The following C7 variants were observed in gnomAD, a reference collection of about 807,000 sequenced individuals.
C7 encodes complement C7.
A neutral mutation model predicts 104.8 loss-of-function variants in C7; 83 were observed. The observed-to-expected ratio is 0.79, with a 90% CI of 0.66 to 0.95. C7 has a LOEUF of 0.95. Among genes scored for constraint, C7 ranks in the 40% least tolerant of loss-of-function variants. The probability of loss-of-function intolerance (pLI) is 0.00; values close to 1 mark genes in which losing one functional copy is unlikely to be tolerated. For missense variants in C7, 1,070 were observed against 1,011.2 expected (o/e 1.06, Z -0.79); for synonymous variants, 415 against 360.6 (o/e 1.15, Z -1.71).
intron 5 of C7, 99 bp downstream of exon 5, chr5:40,936,584 AG>A: frequency 9.0e-7 from 1 of 1,110,430 alleles, no homozygotes; most frequent in South Asian, 1.5e-5. Flanking sequence ...GTCTTCTAAT[AG>A]GCAAGATTAT....
chr5:40,946,164 CTT>C (rs1002794614), intron 7 of C7, among the ~76,000 whole-genome samples: 5 of 151,900 alleles, frequency 3.3e-5, no homozygotes, highest in African/African-American at 1.2e-4. Context: ...TTTAAAAACA[CTT>C]TATTACTTTT....
chr5:40,966,232 C>T (rs1740548449), intron 14 of C7, among the ~76,000 whole-genome samples: 1 of 151,912 alleles, frequency 6.6e-6, no homozygotes. Context: ...CACACTGCAC[C>T]CAGTTTGTAG....
At chr5:40,962,026 C>A in intron 12 of C7, 59 bp from the exon 13 acceptor site, 2 of 877,192 alleles carry the variant, frequency 2.3e-6, no homozygotes, top group Non-Finnish European at 3.2e-6. Context: ...CAACGTAATG[C>A]AAAATAATTA....
chr5:40,922,696 C>CAAAA (rs780972661), intron 1 of C7, among the ~76,000 whole-genome samples: 1 of 114,102 alleles, frequency 8.8e-6, no homozygotes, highest in Admixed American at 9.0e-5. Context: ...GTGAGACTGT[C>CAAAA]AAAAAAAAAA....
intron 17 of C7, among the ~76,000 whole-genome samples, chr5:40,981,031 CTT>C (rs1478470733): frequency 6.6e-6 from 1 of 152,118 alleles, no homozygotes; most frequent in Non-Finnish European, 1.5e-5. Context: ...TTCTCTCTCT[CTT>C]TGTTTGAGTC....
intron 4 of C7, among the ~76,000 whole-genome samples, chr5:40,935,362 A>G (rs1027409881): frequency 6.6e-6 from 1 of 152,212 alleles, no homozygotes; most frequent in African/African-American, 2.4e-5. Context: ...AGTCCCTGGT[A>G]CATAATAAGT....
intron 16 of C7, among the ~76,000 whole-genome samples, chr5:40,978,361 T>C (rs1007813146): frequency 6.6e-6 from 1 of 152,172 alleles, no homozygotes; most frequent in Admixed American, 6.6e-5. Context: ...TTGCTGCTAA[T>C]CTTTAATAAT....
rs942223506 is a variant in C7, at chr5:40,984,038, C to T, written c.*2465C>T. 2.0e-5 allele frequency among the ~76,000 whole-genome samples: 3 copies of T among 152,150 alleles called. No individual in the cohort carries two copies. The highest frequency in any genetic ancestry group is 4.8e-5 in the African/African-American group (2 of 41,438). On this transcript the variant is annotated 3_prime_UTR_variant, in exon 18 of 18. Transcript: ENST00000313164. Reference sequence around the variant, plus strand: ...GGCCAAGGCACATCCTACAGATCATCGCTTACCACTCATGAGGACGCTACA... The same window carrying T: ...GGCCAAGGCACATCCTACAGATCATTGCTTACCACTCATGAGGACGCTACA...
Position 40,974,157 on chromosome 5 carries a change from T to G in C7, c.2074+1563T>G, listed in dbSNP as rs574031908. Reference sequence around the variant, plus strand: ...ATTGTTGTGCAACCATCACCACATTTTTTTTCATCTTTCCAAACTGAAGCT... The same window carrying G: ...ATTGTTGTGCAACCATCACCACATTGTTTTTCATCTTTCCAAACTGAAGCT... On this transcript the variant is annotated intron_variant, in intron 15 of 17. Transcript: ENST00000313164. Among the ~76,000 whole-genome samples, 29 of 152,304 alleles carry G rather than the reference T, an allele frequency of 1.9e-4. No homozygotes were observed. In the South Asian group the frequency reaches 5.6e-3, roughly 29 times the overall value.
intron 2 of C7, among the ~76,000 whole-genome samples, chr5:40,928,863 G>C (rs959937105): frequency 1.3e-5 from 2 of 152,056 alleles, no homozygotes; most frequent in African/African-American, 4.8e-5. Flanking sequence ...AAAAATTGAA[G>C]ACTAAAAGTA....
chr5:40,920,265 A>G (rs1253104170), intron 1 of C7, among the ~76,000 whole-genome samples: 2 of 152,090 alleles, frequency 1.3e-5, no homozygotes, highest in African/African-American at 2.4e-5. Context: ...ATGTTTTCTT[A>G]TTAATTTTCT....
Position 40,920,645 on chromosome 5 carries a change from T to C in C7, c.7-7935T>C, listed in dbSNP as rs551936324. Among the ~76,000 whole-genome samples, 13 of 151,802 alleles carry C rather than the reference T, an allele frequency of 8.6e-5. No homozygotes were observed. In the South Asian group the frequency reaches 2.3e-3, roughly 27 times the overall value. On this transcript the variant is annotated intron_variant, in intron 1 of 17. Coordinates refer to ENST00000313164, the MANE Select transcript of C7 (RefSeq NM_000587.4). ...TCACCATTTTTATTCAATATAATAC[T>C]GAAAGTCCTAACGATAGCAATTAGG...
At chr5:40,942,078 A>G (rs1470170024) in intron 6 of C7, among the ~76,000 whole-genome samples, 2 of 152,230 alleles carry the variant, frequency 1.3e-5, no homozygotes, top group Admixed American at 1.3e-4. Flanking sequence ...AGAAGTGTTC[A>G]CTGTCTGGTG....
At position 40,931,094 on chromosome 5, in the gene C7, C is replaced by G; in HGVS notation, c.93C>G (p.Asp31Glu). Residue 31 changes from aspartate to glutamate, a missense_variant, in exon 3 of 18, where the codon GAC becomes GAG. Coordinates refer to ENST00000313164, the MANE Select transcript of C7 (RefSeq NM_000587.4). ...SASSPVNCQW[D>E]FYAPWSECNG... ...CCTCTCCAGTCAACTGCCAGTGGGA[C>G]TTCTATGCCCCTTGGTCAGAATGCA... 6.2e-7 allele frequency: 1 copy of G among 1,613,626 alleles called. No individual in the cohort carries two copies. Among genetic ancestry groups the G allele is most frequent in the South Asian group, 1.1e-5 (1 of 91,046 alleles).
chr5:40,960,561 G>A (rs1740401108), intron 12 of C7, among the ~76,000 whole-genome samples: 2 of 152,228 alleles, frequency 1.3e-5, no homozygotes, highest in Middle Eastern at 3.4e-3. Context: ...AGATCTCTGA[G>A]AGGATGCATT....
rs148371625 is a variant in C7 at position 40,961,981 on chromosome 5, A to G, written c.1662-104A>G. 2,488 of 499,244 alleles carry G rather than the reference A, an allele frequency of 5.0e-3. 16 individuals carry two copies. The highest frequency in any genetic ancestry group is 5.3e-3 in the Non-Finnish European group (1,565 of 292,902). The allele number at this position is 499,244 out of a possible 1,614,324, so 30.9% of individuals were successfully genotyped here. A position where few individuals can be genotyped will look rare whatever the true frequency, so the allele number is the denominator to read the frequency against. ...AAAAATATTACACCAATGTACTTAA[A>G]TGAATGGAGTTCCTTCAGATACAAA... On this transcript the variant is annotated intron_variant, in intron 12 of 17. Transcript: ENST00000313164.
At chr5:40,921,308 G>A (rs1036603396) in intron 1 of C7, among the ~76,000 whole-genome samples, 1 of 151,956 alleles carries the variant, frequency 6.6e-6, no homozygotes, top group Non-Finnish European at 1.5e-5. Flanking sequence ...CGTAATTTAA[G>A]AGAACACAAA....
At chr5:40,912,657 C>T (rs908380907) in intron 1 of C7, among the ~76,000 whole-genome samples, 12 of 152,148 alleles carry the variant, frequency 7.9e-5, no homozygotes, top group African/African-American at 2.9e-4. Flanking sequence ...CCAAACCTGG[C>T]TGAAATTATT....
rs755374306 is a variant in C7, at chr5:40,981,594, G to C, written c.*21G>C. On this transcript the variant is annotated 3_prime_UTR_variant, in exon 18 of 18. Transcript: ENST00000313164. ...AGTAGGCTCCTGGAGGCCCTGGTCA[G>C]CTTGCTTGGAATCCAGCAGGCAGCT... 18 of 1,583,046 alleles carry C rather than the reference G, an allele frequency of 1.1e-5. No homozygotes were observed. The South Asian group carries it at 1.8e-4, about 16-fold the overall frequency.
Sources: allele counts gnomAD v4.1 joint callset (sites outside exome capture counted in the v4.1 genomes callset), GRCh38; gene constraint gnomAD v4.1.1; transcripts MANE v1.5; gene names NCBI Gene and HGNC (gene_info 2026-07-23, HGNC 2026-07-21).